The following DEPTOR variants were observed in gnomAD, a reference collection of about 807,000 sequenced individuals.
DEPTOR encodes the protein DEP domain containing MTOR interacting protein.
Under a neutral mutation model 41.6 loss-of-function variants are expected in DEPTOR, and 41 were observed. That is an observed-to-expected ratio of 0.98 (90% CI 0.77 to 1.28). The LOEUF is 1.28. DEPTOR is among the 50% of genes most tolerant of loss of function. The pLI is 0.00. For missense variants in DEPTOR, 514 were observed against 527.9 expected (o/e 0.97, Z 0.26); for synonymous variants, 195 against 192.3 (o/e 1.01, Z -0.12).
At chr8:119,923,434 G>A (rs1336667685) in intron 1 of DEPTOR, among the ~76,000 whole-genome samples, 1 of 151,688 alleles carries the variant, frequency 6.6e-6, no homozygotes, top group African/African-American at 2.4e-5. Flanking sequence ...GTAGAGATGG[G>A]GTTTTGCCAT....
chr8:119,947,960 T>C (rs982362634), intron 3 of DEPTOR, among the ~76,000 whole-genome samples: 2 of 152,156 alleles, frequency 1.3e-5, no homozygotes, highest in Admixed American at 1.3e-4. Flanking sequence ...TCCTGACCTC[T>C]CATTTGCACC....
chr8:119,899,474 A>T (rs550379196), intron 1 of DEPTOR, among the ~76,000 whole-genome samples: 1 of 152,340 alleles, frequency 6.6e-6, no homozygotes, highest in Admixed American at 6.5e-5. Context: ...ACATAGACTT[A>T]TAGAAGGTTA....
intron 1 of DEPTOR, among the ~76,000 whole-genome samples, chr8:119,902,358 G>C (rs1279417894): frequency 6.6e-6 from 1 of 151,400 alleles, no homozygotes; most frequent in African/African-American, 2.4e-5. Context: ...TTTTTTTTGA[G>C]ACAGAGTCTT....
At chr8:119,908,398 G>C (rs1458636743) in intron 1 of DEPTOR, among the ~76,000 whole-genome samples, 1 of 152,052 alleles carries the variant, frequency 6.6e-6, no homozygotes, top group African/African-American at 2.4e-5. Context: ...AGGCCAGTTT[G>C]GGCAACATAG....
intron 8 of DEPTOR, among the ~76,000 whole-genome samples, chr8:120,018,262 A>T (rs1332047785): frequency 1.3e-5 from 2 of 152,184 alleles, no homozygotes; most frequent in African/African-American, 4.8e-5. Context: ...TAAGACATAG[A>T]TCCTGAAGTG....
chr8:120,037,988 T>A (rs1196579079), intron 8 of DEPTOR, among the ~76,000 whole-genome samples: 1 of 152,116 alleles, frequency 6.6e-6, no homozygotes, highest in Non-Finnish European at 1.5e-5. Context: ...GAAATTCTGC[T>A]GGGCCCGGTG....
intron 2 of DEPTOR, 144 bp downstream of exon 2, chr8:119,928,722 T>A: frequency 4.1e-6 from 3 of 739,444 alleles, no homozygotes; most frequent in Non-Finnish European, 3.9e-6. Flanking sequence ...TTCCTGCCTC[T>A]AAGAGGCATT....
At chr8:120,022,855 A>G (rs991287387) in intron 8 of DEPTOR, among the ~76,000 whole-genome samples, 3 of 152,016 alleles carry the variant, frequency 2.0e-5, no homozygotes, top group South Asian at 2.1e-4. Flanking sequence ...CCCACTTGTA[A>G]AGTCAGGGAC....
chr8:120,015,759 G>C (rs1812599546), intron 8 of DEPTOR, among the ~76,000 whole-genome samples: 1 of 152,208 alleles, frequency 6.6e-6, no homozygotes, highest in Non-Finnish European at 1.5e-5. Context: ...ATACCAGCCA[G>C]TTTTATAAGT....
chr8:119,905,203 G>T (rs4073559), intron 1 of DEPTOR, among the ~76,000 whole-genome samples: 1 of 151,910 alleles, frequency 6.6e-6, no homozygotes, highest in Admixed American at 6.6e-5. Flanking sequence ...AATCTTGTCC[G>T]CAAGAAGCTC....
At position 119,956,243 on chromosome 8, in the gene DEPTOR, C is replaced by A. The variant is rs369778537; in HGVS notation, c.426-8989C>A. On this transcript the variant is annotated intron_variant, in intron 3 of 8. Coordinates refer to ENST00000286234, the MANE Select transcript of DEPTOR (RefSeq NM_022783.4). The stretch of plus-strand genomic sequence containing the variant: ...TTTAACATTGCGACTACATATTAAT[C>A]CTAAAATAAAATCCCACGAAAGGCG... Among the ~76,000 whole-genome samples the A allele has an allele frequency of 4.6e-5, 7 of 152,242 alleles. No homozygotes were observed. In the South Asian group the frequency reaches 1.5e-3, roughly 32 times the overall value.
chr8:119,936,045 C>A (rs1180785749), intron 3 of DEPTOR, among the ~76,000 whole-genome samples: 3 of 144,530 alleles, frequency 2.1e-5, no homozygotes, highest in Non-Finnish European at 4.5e-5. Flanking sequence ...ATTTTCTCAG[C>A]AGCAGGAGTT....
chr8:119,971,032 C>T (rs1425211442), intron 4 of DEPTOR, among the ~76,000 whole-genome samples: 2 of 152,022 alleles, frequency 1.3e-5, no homozygotes, highest in Admixed American at 1.3e-4. Flanking sequence ...AGATCGAGAC[C>T]ATCCTGGCTA....
intron 8 of DEPTOR, among the ~76,000 whole-genome samples, chr8:120,033,279 G>A (rs931772638): frequency 6.6e-6 from 1 of 151,972 alleles, no homozygotes. Context: ...TAGAGACAGG[G>A]TTTCGCCCTA....
intron 8 of DEPTOR, among the ~76,000 whole-genome samples, chr8:120,018,494 G>T (rs548459123): frequency 6.6e-6 from 1 of 152,232 alleles, no homozygotes; most frequent in African/African-American, 2.4e-5. Flanking sequence ...CAGGAGAATT[G>T]CTTGAACCCG....
At chr8:119,952,133 C>T (rs532672918) in intron 3 of DEPTOR, among the ~76,000 whole-genome samples, 1 of 150,032 alleles carries the variant, frequency 6.7e-6, no homozygotes, top group South Asian at 2.1e-4. Context: ...GAAACTCTGT[C>T]TCAAAAAAAA....
chr8:119,945,071 A>G (rs1340609143), intron 3 of DEPTOR, among the ~76,000 whole-genome samples: 3 of 152,022 alleles, frequency 2.0e-5, no homozygotes, highest in East Asian at 1.9e-4. Context: ...CAGCTGAACT[A>G]TAAGCTCTCT....
chr8:120,032,686 G>A (rs2130176319), intron 8 of DEPTOR, among the ~76,000 whole-genome samples: 1 of 152,312 alleles, frequency 6.6e-6, no homozygotes, highest in East Asian at 1.9e-4. Flanking sequence ...GCAAAGCCGA[G>A]CTGAAATCCT....
At chr8:119,886,243 C>T (rs1379958993) in intron 1 of DEPTOR, among the ~76,000 whole-genome samples, 1 of 152,136 alleles carries the variant, frequency 6.6e-6, no homozygotes, top group Non-Finnish European at 1.5e-5. Flanking sequence ...ATCTTCCAGC[C>T]AGTGGTAGAA....
Sources: gnomAD v4.1 joint callset for allele counts (sites outside exome capture counted in the v4.1 genomes callset) on GRCh38, gnomAD v4.1.1 for gene constraint, MANE v1.5 for transcripts, NCBI Gene and HGNC (gene_info 2026-07-23, HGNC 2026-07-21) for gene names.